The following KIFAP3 variants were observed in gnomAD, a reference collection of about 807,000 sequenced individuals.
KIFAP3 encodes kinesin associated protein 3, also known as kinesin-associated protein 3.
Under a neutral mutation model 106.5 loss-of-function variants are expected in KIFAP3, and 68 were observed. The observed-to-expected ratio is 0.64, with a 90% CI of 0.53 to 0.78. KIFAP3 has a LOEUF of 0.78. KIFAP3 is among the 30% of genes least tolerant of loss of function. The probability of loss-of-function intolerance (pLI) is 0.00; values close to 1 mark genes in which losing one functional copy is unlikely to be tolerated. For missense variants in KIFAP3, 780 were observed against 941.8 expected, an observed-to-expected ratio of 0.83 and a Z score of 2.25; for synonymous variants, 320 against 311.5, an observed-to-expected ratio of 1.03 and a Z score of -0.29.
At chr1:170,028,580 G>T (rs1010908309) in intron 8 of KIFAP3, among the ~76,000 whole-genome samples, 1 of 152,074 alleles carries the variant, frequency 6.6e-6, no homozygotes, top group African/African-American at 2.4e-5. Context: ...CAAGTGATCT[G>T]CCCACCTAGG....
rs193197927 is a variant in KIFAP3, at chr1:170,024,973, C to T, written c.842-377G>A. ...CAGACAGAGGAAAATAGTTTTTACACATATAGAAAACAAGATAACATATCA... is the reference window on the plus strand; with the variant it reads ...CAGACAGAGGAAAATAGTTTTTACATATATAGAAAACAAGATAACATATCA... On this transcript the variant is annotated intron_variant, in intron 8 of 19. Coordinates refer to ENST00000361580, the MANE Select transcript of KIFAP3 (RefSeq NM_014970.4). Among the ~76,000 whole-genome samples the T allele has an allele frequency of 1.4e-4, 22 of 152,122 alleles. No homozygotes were observed. In the East Asian group the frequency reaches 2.5e-3, roughly 17 times the overall value.
Position 169,940,228 on chromosome 1 carries a change from A to T in KIFAP3, c.2273+13783T>A, listed in dbSNP as rs143466075. ...CCTGGGGTAAGTTGCTTAAACCTACATGCTTCAGTTTTCTTAATAATAGTG... is the reference window on the plus strand; with the variant it reads ...CCTGGGGTAAGTTGCTTAAACCTACTTGCTTCAGTTTTCTTAATAATAGTG... On this transcript the variant is annotated intron_variant, in intron 19 of 19. Coordinates refer to ENST00000361580, the MANE Select transcript of KIFAP3 (RefSeq NM_014970.4). 2.0e-5 allele frequency among the ~76,000 whole-genome samples: 3 copies of T among 152,312 alleles called. No individual in the cohort carries two copies. The East Asian group carries it at 5.8e-4, about 29-fold the overall frequency.
At chr1:170,005,792 G>T (rs1181681475) in intron 10 of KIFAP3, among the ~76,000 whole-genome samples, 1 of 150,676 alleles carries the variant, frequency 6.6e-6, no homozygotes, top group Non-Finnish European at 1.5e-5. Flanking sequence ...CACCAACATG[G>T]CACATGTATA....
At chr1:170,001,551 G>C (rs2101961471) in intron 10 of KIFAP3, among the ~76,000 whole-genome samples, 1 of 152,182 alleles carries the variant, frequency 6.6e-6, no homozygotes, top group Non-Finnish European at 1.5e-5. Flanking sequence ...CCTATTGTTT[G>C]CTCACTTGAT....
chr1:170,041,187 T>C (rs956056901), intron 3 of KIFAP3, among the ~76,000 whole-genome samples: 3 of 152,204 alleles, frequency 2.0e-5, no homozygotes, highest in Non-Finnish European at 4.4e-5. Context: ...TGATCATCTA[T>C]GTTAGATACT....
intron 19 of KIFAP3, among the ~76,000 whole-genome samples, chr1:169,933,519 A>G (rs758698902): frequency 2.0e-5 from 3 of 152,084 alleles, no homozygotes; most frequent in African/African-American, 4.8e-5. Flanking sequence ...ATGATGAAGC[A>G]TGGTATTTCT....
At chr1:169,951,833 A>C (rs1439762614) in intron 19 of KIFAP3, among the ~76,000 whole-genome samples, 1 of 151,904 alleles carries the variant, frequency 6.6e-6, no homozygotes, top group Non-Finnish European at 1.5e-5. Context: ...GGAGATACAA[A>C]AATAATGTTT....
At chr1:169,947,347 T>G (rs959772957) in intron 19 of KIFAP3, among the ~76,000 whole-genome samples, 2 of 151,938 alleles carry the variant, frequency 1.3e-5, no homozygotes, top group Non-Finnish European at 2.9e-5. Flanking sequence ...AACAGGACAC[T>G]GTATTATTAT....
chr1:170,045,699 C>A lies in KIFAP3; in HGVS notation c.319+1013G>T, dbSNP rs73039138. On this transcript the variant is annotated intron_variant, in intron 3 of 19. Transcript: ENST00000361580. ...CTACAATTTGAACTAAACCTGAATTCTTCCCTGGCTACAAGTCTTCAAACT... is the reference window on the plus strand; with the variant it reads ...CTACAATTTGAACTAAACCTGAATTATTCCCTGGCTACAAGTCTTCAAACT... 1.3e-3 allele frequency among the ~76,000 whole-genome samples: 200 copies of A among 152,256 alleles called. 2 individuals are homozygous for A. The highest frequency in any genetic ancestry group is 4.3e-3 in the African/African-American group (179 of 41,552).
At chr1:169,967,283 A>G (rs1277444753) in intron 17 of KIFAP3, among the ~76,000 whole-genome samples, 1 of 151,838 alleles carries the variant, frequency 6.6e-6, no homozygotes, top group Admixed American at 6.6e-5. Context: ...TAACAACATT[A>G]TATCCCCCTC....
At position 170,074,520 on chromosome 1, in the gene KIFAP3, G is replaced by A. The variant is rs1671847599; in HGVS notation, c.-53C>T. 1 of 1,612,104 alleles carries A rather than the reference G, an allele frequency of 6.2e-7. No individual in the cohort carries two copies. Reference sequence around the variant, plus strand: ...ATGGGGTATCTTGAGAGGCAGGCGCGGTTATTTCCGGGGACGGTGGCCAAA... The same window carrying A: ...ATGGGGTATCTTGAGAGGCAGGCGCAGTTATTTCCGGGGACGGTGGCCAAA... On this transcript the variant is annotated 5_prime_UTR_variant, in exon 1 of 20. Transcript: ENST00000361580.
intron 9 of KIFAP3, among the ~76,000 whole-genome samples, chr1:170,021,822 A>G (rs1225020771): frequency 6.6e-6 from 1 of 151,948 alleles, no homozygotes; most frequent in East Asian, 1.9e-4. Flanking sequence ...ACACTAGACT[A>G]GTATTTAACA....
At chr1:170,024,285 T>C (rs901360156) in intron 9 of KIFAP3, 133 bp downstream of exon 9, 1 of 525,304 alleles carries the variant, frequency 1.9e-6, no homozygotes, top group Non-Finnish European at 3.3e-6. Flanking sequence ...GCAATATCAG[T>C]GAGTTATTGC....
chr1:170,076,710 G>T (rs1451547864), upstream of KIFAP3, among the ~76,000 whole-genome samples: 1 of 152,090 alleles, frequency 6.6e-6, no homozygotes, highest in Non-Finnish European at 1.5e-5. Context: ...GAAAATACCT[G>T]GTAGGAATGG....
At chr1:169,941,375 C>G (rs943086490) in intron 19 of KIFAP3, among the ~76,000 whole-genome samples, 1 of 152,146 alleles carries the variant, frequency 6.6e-6, no homozygotes, top group South Asian at 2.1e-4. Flanking sequence ...ATCAGGAGAT[C>G]TGACTTTACT....
At chr1:170,038,115 T>C (rs955353738) in intron 5 of KIFAP3, among the ~76,000 whole-genome samples, 175 bp downstream of exon 5, 28 of 152,218 alleles carry the variant, frequency 1.8e-4, no homozygotes, top group African/African-American at 6.3e-4. Flanking sequence ...ATTTTCCTTG[T>C]TTACATTAAA....
At chr1:170,079,279 C>T (rs908414887), upstream of KIFAP3, among the ~76,000 whole-genome samples, 6 of 152,184 alleles carry the variant, frequency 3.9e-5, no homozygotes, top group Non-Finnish European at 8.8e-5. Flanking sequence ...GCTCCCTTTC[C>T]CCGTCCATCT....
rs1015357269 is a variant in KIFAP3 at position 170,073,708 on chromosome 1, T to TC, written c.32+727_32+728insG. 2.8e-3 allele frequency among the ~76,000 whole-genome samples: 408 copies of TC among 146,690 alleles called. 3 individuals carry two copies. The highest frequency in any genetic ancestry group is 3.5e-3 in the Middle Eastern group (1 of 286). On this transcript the variant is annotated intron_variant, in intron 1 of 19. Transcript: ENST00000361580. ...TACTCTTGGTTCAGTGGGAGGTATCTTTTTTTTTTTCCAAATCAGGAATGA... is the reference window on the plus strand; with the variant it reads ...TACTCTTGGTTCAGTGGGAGGTATCTCTTTTTTTTTTCCAAATCAGGAATGA...
chr1:169,955,725 C>T (rs115460273), intron 18 of KIFAP3, among the ~76,000 whole-genome samples: 124 of 152,154 alleles, frequency 8.1e-4, no homozygotes, highest in African/African-American at 2.8e-3. Flanking sequence ...TTAATGGACA[C>T]CTTTGGTATC....
Sources: allele counts gnomAD v4.1 joint callset (sites outside exome capture counted in the v4.1 genomes callset), GRCh38; gene constraint gnomAD v4.1.1; transcripts MANE v1.5; gene names NCBI Gene and HGNC (gene_info 2026-07-23, HGNC 2026-07-21).